NKAIN3: variants seen among roughly 807,000 people sequenced by gnomAD.
The protein encoded by NKAIN3 is sodium/potassium-transporting ATPase subunit beta-1-interacting protein 3.
In NKAIN3, 25 loss-of-function variants were observed where a neutral mutation model predicts 30.2. That is an observed-to-expected ratio of 0.83 (90% CI 0.60 to 1.16). The LOEUF (loss-of-function observed/expected upper bound fraction) is 1.16. Ranked by LOEUF, NKAIN3 falls within the 50% of genes most tolerant of loss-of-function variation. The pLI is 0.00. For missense variants in NKAIN3, 225 were observed against 254.1 expected, an observed-to-expected ratio of 0.89 and a Z score of 0.78; for synonymous variants, 91 against 89.6, an observed-to-expected ratio of 1.02 and a Z score of -0.09.
chr8:62,751,814 C>CTGTGTGTGTGTG (rs3032932), intron 4 of NKAIN3, among the ~76,000 whole-genome samples: 17,561 of 146,482 alleles, frequency 0.12, 1,132 homozygotes, highest in East Asian at 0.2. Flanking sequence ...TACTAAAAAA[C>CTGTGTGTGTGTG]TGTGTGTGTG....
chr8:62,735,091 T>G (rs1472614221), intron 3 of NKAIN3, among the ~76,000 whole-genome samples: 3 of 152,202 alleles, frequency 2.0e-5, no homozygotes, highest in African/African-American at 7.2e-5. Flanking sequence ...GTGATTATCT[T>G]TTTGTGATGA....
At chr8:62,290,319 C>G (rs1261964629) in intron 1 of NKAIN3, among the ~76,000 whole-genome samples, 7 of 152,106 alleles carry the variant, frequency 4.6e-5, no homozygotes, top group Non-Finnish European at 1.0e-4. Context: ...CTGTCTTGTG[C>G]CAGTTTTCAA....
At chr8:62,577,903 C>T (rs79956170) in intron 1 of NKAIN3, among the ~76,000 whole-genome samples, 2,719 of 152,028 alleles carry the variant, frequency 0.018, 87 homozygotes, top group African/African-American at 0.062. Context: ...TTTCCGCCAC[C>T]GCTTGCTGAA....
chr8:62,488,599 T>C (rs67316078), intron 1 of NKAIN3, among the ~76,000 whole-genome samples: 10,990 of 152,272 alleles, frequency 0.072, 495 homozygotes, highest in East Asian at 0.13. Context: ...TGTTAGTTAA[T>C]GTGAGTCCTG....
intron 1 of NKAIN3, among the ~76,000 whole-genome samples, chr8:62,508,359 T>G (rs1807710078): frequency 6.6e-6 from 1 of 152,150 alleles, no homozygotes; most frequent in African/African-American, 2.4e-5. Flanking sequence ...CCCCTCCCCC[T>G]CCACCTTGGA....
chr8:62,494,038 T>C (rs1807155608), intron 1 of NKAIN3, among the ~76,000 whole-genome samples: 1 of 152,194 alleles, frequency 6.6e-6, no homozygotes, highest in South Asian at 2.1e-4. Flanking sequence ...CTGATTGCTC[T>C]GGCCACGACT....
At position 62,818,349 on chromosome 8, in the gene NKAIN3, A is replaced by G. The variant is rs1469591873; in HGVS notation, c.471+71220A>G. Among the ~76,000 whole-genome samples the G allele has an allele frequency of 2.0e-5, 3 of 152,186 alleles. No homozygotes were observed. The East Asian group carries it at 5.8e-4, about 29-fold the overall frequency. On this transcript the variant is annotated intron_variant, in intron 4 of 6. Coordinates refer to ENST00000623646, the MANE Select transcript of NKAIN3 (RefSeq NM_001304533.3). ...TTCAAAACTAAGGTTATATAGTTAT[A>G]CAAATATCAAATTGCTTTTATCATT...
At chr8:62,893,366 T>A (rs1821345725) in intron 4 of NKAIN3, among the ~76,000 whole-genome samples, 1 of 152,196 alleles carries the variant, frequency 6.6e-6, no homozygotes, top group Non-Finnish European at 1.5e-5. Flanking sequence ...TTAGGTCCAA[T>A]TTTTCCTCTA....
chr8:62,606,963 T>G (rs1811150382), intron 3 of NKAIN3, among the ~76,000 whole-genome samples: 1 of 152,176 alleles, frequency 6.6e-6, no homozygotes, highest in Admixed American at 6.5e-5. Context: ...TTATATTAAT[T>G]TTGGTTCAGT....
intron 1 of NKAIN3, among the ~76,000 whole-genome samples, chr8:62,391,428 G>A (rs1405416239): frequency 2.0e-5 from 3 of 151,924 alleles, no homozygotes; most frequent in Non-Finnish European, 4.4e-5. Flanking sequence ...AAAGTCATAA[G>A]ACAACATTAC....
At chr8:62,819,303 C>T (rs561018476) in intron 4 of NKAIN3, among the ~76,000 whole-genome samples, 3 of 151,614 alleles carry the variant, frequency 2.0e-5, no homozygotes, top group African/African-American at 4.8e-5. Flanking sequence ...TAGAAAACAA[C>T]ATTGTGGAAG....
At chr8:62,286,489 ATGT>A (rs1471340761) in intron 1 of NKAIN3, among the ~76,000 whole-genome samples, 1 of 152,132 alleles carries the variant, frequency 6.6e-6, no homozygotes, top group Admixed American at 6.6e-5. Context: ...AAGAGAGATA[ATGT>A]TGTCTAGGAA....
At chr8:62,349,768 G>A (rs1450584012) in intron 1 of NKAIN3, among the ~76,000 whole-genome samples, 1 of 152,102 alleles carries the variant, frequency 6.6e-6, no homozygotes, top group Admixed American at 6.5e-5. Context: ...CCAACCAGAA[G>A]ACAAAGTTTG....
At chr8:62,985,209 C>T (rs1485642527), downstream of NKAIN3, among the ~76,000 whole-genome samples, 1 of 152,224 alleles carries the variant, frequency 6.6e-6, no homozygotes, top group Non-Finnish European at 1.5e-5. Flanking sequence ...AATTACATCT[C>T]ACCCCTGCCA....
rs1373765874 is a variant in NKAIN3, at chr8:62,589,706, C to G, written c.193-8C>G. 3 of 1,445,826 alleles carry G rather than the reference C, an allele frequency of 2.1e-6. No individual in the cohort carries two copies. In the African/African-American group the frequency reaches 4.3e-5, roughly 21 times the overall value. The allele number at this position is 1,445,826 out of a possible 1,614,324, so 89.6% of individuals were successfully genotyped here. On this transcript the variant is annotated splice_region_variant and splice_polypyrimidine_tract_variant and intron_variant, in intron 2 of 6. Transcript: ENST00000623646. ...TCTTCTCTTTCTCCCTCCCCCATTT[C>G]TATCTAGTATACAGTGTGGACTGCC... is the stretch of plus-strand genomic sequence containing the variant.
At chr8:62,387,785 G>C (rs970855463) in intron 1 of NKAIN3, among the ~76,000 whole-genome samples, 2 of 152,100 alleles carry the variant, frequency 1.3e-5, no homozygotes, top group African/African-American at 4.8e-5. Context: ...ATTTTCACCT[G>C]TAATATTCCA....
rs1823979580 is a variant in NKAIN3, at chr8:62,977,844, T to C, written c.*12437T>C. ...TTGGACTGGTTTTTCCTCATCTTTG[T>C]GGCTTTATCTACCTTTGGTCTTTGG... On this transcript the variant is annotated 3_prime_UTR_variant, in exon 7 of 7. Transcript: ENST00000623646. The C allele has an allele frequency of 6.6e-6, 1 of 152,218 alleles. No individual in the cohort carries two copies. Among genetic ancestry groups the C allele is most frequent in the African/African-American group, 2.4e-5 (1 of 41,464 alleles). The allele number at this position is 152,218 out of a possible 1,614,324, so 9.4% of individuals were successfully genotyped here.
At chr8:62,877,537 G>A (rs1451784605) in intron 4 of NKAIN3, among the ~76,000 whole-genome samples, 1 of 152,144 alleles carries the variant, frequency 6.6e-6, no homozygotes, top group Non-Finnish European at 1.5e-5. Context: ...AACCTCCTAT[G>A]GTTTGACATG....
At chr8:62,322,916 T>C (rs1047324601) in intron 1 of NKAIN3, among the ~76,000 whole-genome samples, 1 of 152,184 alleles carries the variant, frequency 6.6e-6, no homozygotes, top group African/African-American at 2.4e-5. Flanking sequence ...TAGGAAAATA[T>C]GCTCCATATC....
Sources: gnomAD v4.1 joint callset for allele counts (sites outside exome capture counted in the v4.1 genomes callset) on GRCh38, gnomAD v4.1.1 for gene constraint, MANE v1.5 for transcripts, NCBI Gene and HGNC (gene_info 2026-07-23, HGNC 2026-07-21) for gene names.